BCR: variants seen among roughly 807,000 people sequenced by gnomAD.
BCR encodes the protein BCR activator of RhoGEF and GTPase, also known as breakpoint cluster region protein.
In BCR, 58 loss-of-function variants were observed where a neutral mutation model predicts 138.6. The observed-to-expected ratio is 0.42, with a 90% confidence interval of 0.34 to 0.52. BCR has a LOEUF of 0.52. Ranked by LOEUF, BCR falls within the 20% of genes least tolerant of loss-of-function variation. The pLI is 0.06. For synonymous variants in BCR, 786 were observed against 730.1 expected (o/e 1.08, Z -1.23); for missense variants, 1,599 against 1,727.2 (o/e 0.93, Z 1.32).
At chr22:23,247,823 C>T (rs1293120458) in intron 1 of BCR, among the ~76,000 whole-genome samples, 3 of 152,198 alleles carry the variant, frequency 2.0e-5, no homozygotes, top group Non-Finnish European at 2.9e-5. Flanking sequence ...AATATTTGTC[C>T]TTTTGTGTCT....
chr22:23,315,393 G>C (rs73878678), intron 22 of BCR, 40 bp from the exon 23 acceptor site: 346 of 1,593,956 alleles, frequency 2.2e-4, no homozygotes, highest in Middle Eastern at 1.5e-3. Flanking sequence ...TGTGAGCCCC[G>C]CTCTGAGCCA....
chr22:23,207,012 C>G (rs2072624789), intron 1 of BCR, among the ~76,000 whole-genome samples: 1 of 146,104 alleles, frequency 6.8e-6, no homozygotes, highest in Non-Finnish European at 1.5e-5. Flanking sequence ...TCCAGCCAAC[C>G]ATCCATCCAT....
chr22:23,210,308 T>C (rs2072666179), intron 1 of BCR, among the ~76,000 whole-genome samples: 1 of 151,830 alleles, frequency 6.6e-6, no homozygotes. Context: ...TCCTGGCCGC[T>C]TGAGAAACTG....
At position 23,292,531 on chromosome 22, in the gene BCR, C is replaced by G. The variant is rs1183602768; in HGVS notation, c.2783-10C>G. 17 of 1,605,774 alleles carry G rather than the reference C, an allele frequency of 1.1e-5. No homozygotes were observed. The highest frequency in any genetic ancestry group is 1.4e-5 in the Non-Finnish European group (17 of 1,173,152). ...CCTGTGACCTTCTCCATGTCCACTT[C>G]TCCCCACAGATCTGTACTGCACCCT... On this transcript the variant is annotated splice_polypyrimidine_tract_variant and intron_variant, in intron 14 of 22. Coordinates refer to ENST00000305877, the MANE Select transcript of BCR (RefSeq NM_004327.4).
At chr22:23,219,184 CG>C (rs1403224219) in intron 1 of BCR, among the ~76,000 whole-genome samples, 3 of 152,164 alleles carry the variant, frequency 2.0e-5, no homozygotes, top group Non-Finnish European at 4.4e-5. Flanking sequence ...GCCCTTAAGC[CG>C]ACAGATGGCC....
chr22:23,181,064 T>C lies in BCR; in HGVS notation c.104T>C (p.Leu35Pro). 1 of 1,523,132 alleles carries C rather than the reference T, an allele frequency of 6.6e-7. No individual in the cohort carries two copies. The highest frequency in any genetic ancestry group is 8.8e-7 in the Non-Finnish European group (1 of 1,130,390). The allele number at this position is 1,523,132 out of a possible 1,614,324, so 94.4% of individuals were successfully genotyped here. A position where few individuals can be genotyped will look rare whatever the true frequency, so the allele number is the denominator to read the frequency against. The change falls in exon 1 of 23, where the codon CTG becomes CCG. Residue 35 changes from leucine (L) to proline (P), a missense_variant. By Grantham distance (98) the Leu-to-Pro change is moderately conservative. This residue lies in a region of BCR where 806 missense variants were observed against 635.0 expected (regional missense o/e 1.27). Coordinates refer to ENST00000305877, the MANE Select transcript of BCR (RefSeq NM_004327.4). The stretch of plus-strand genomic sequence containing the variant: ...TCAGTGGGCGACATCGAGCAGGAGC[T>C]GGAGCGCTGCAAGGCCTCCATTCGG... ...LRSVGDIEQELERCKASIRRL... is the reference protein window; with the variant it reads ...LRSVGDIEQEPERCKASIRRL...
intron 1 of BCR, among the ~76,000 whole-genome samples, chr22:23,245,916 C>T (rs145009021): frequency 6.6e-5 from 10 of 152,302 alleles, no homozygotes; most frequent in African/African-American, 1.9e-4. Context: ...CCACCATCTC[C>T]GTTTAGTTCC....
intron 8 of BCR, among the ~76,000 whole-genome samples, chr22:23,281,328 T>G (rs1568971079): frequency 6.6e-6 from 1 of 152,252 alleles, no homozygotes. Flanking sequence ...CGTGGCCTTA[T>G]GCCGGCTTTG....
intron 8 of BCR, 30 bp downstream of exon 8, chr22:23,273,804 A>C: frequency 6.2e-7 from 1 of 1,612,398 alleles, no homozygotes; most frequent in Non-Finnish European, 8.5e-7. Flanking sequence ...GCTTGGGTCC[A>C]CCCATCCTGC....
intron 2 of BCR, among the ~76,000 whole-genome samples, chr22:23,254,777 G>GA (rs1317640276): frequency 2.6e-5 from 4 of 152,228 alleles, no homozygotes; most frequent in South Asian, 2.1e-4. Flanking sequence ...CTTGGGCTGA[G>GA]AAAATCACTG....
At chr22:23,200,259 G>T (rs1414414165) in intron 1 of BCR, among the ~76,000 whole-genome samples, 3 of 152,110 alleles carry the variant, frequency 2.0e-5, no homozygotes, top group Non-Finnish European at 4.4e-5. Context: ...TAGGTCTGGT[G>T]GTCTGTCCCT....
intron 1 of BCR, among the ~76,000 whole-genome samples, chr22:23,202,737 G>T (rs1568931232): frequency 6.8e-6 from 1 of 147,896 alleles, no homozygotes; most frequent in African/African-American, 2.6e-5. Context: ...GTGTGTGTGT[G>T]TGTGTGTGTG....
At chr22:23,268,540 A>G (rs1441318172) in intron 5 of BCR, 25 bp downstream of exon 5, 6 of 1,589,240 alleles carry the variant, frequency 3.8e-6, no homozygotes, top group Non-Finnish European at 5.2e-6. Flanking sequence ...CCGTTCAGAC[A>G]GGTGCACCGC....
rs945339257 is a variant in BCR, at chr22:23,263,864, G to A, written c.1752+2324G>A. On this transcript the variant is annotated intron_variant, in intron 4 of 22. Coordinates refer to ENST00000305877, the MANE Select transcript of BCR (RefSeq NM_004327.4). ...CCATCCAGACTGAAGACCAAATCTG[G>A]TCTGTTGCTATCAGGCCATTACTCA... The A allele has an allele frequency of 4.0e-6, 4 of 990,440 alleles. No homozygotes were observed. In the South Asian group the frequency reaches 5.1e-5, roughly 13 times the overall value. The allele number at this position is 990,440 out of a possible 1,614,324, so 61.4% of individuals were successfully genotyped here.
At chr22:23,276,241 T>C (rs974277971) in intron 8 of BCR, among the ~76,000 whole-genome samples, 1 of 151,758 alleles carries the variant, frequency 6.6e-6, no homozygotes, top group Admixed American at 6.6e-5. Context: ...CTACTAAAAA[T>C]ACAAAAAATT....
chr22:23,268,343 T>TG (rs1402230925), intron 4 of BCR, 65 bp from the exon 5 acceptor site: 2 of 1,348,500 alleles, frequency 1.5e-6, no homozygotes, highest in East Asian at 5.0e-5. Context: ...CACGGGAGCC[T>TG]GCTCTTCAGA....
At chr22:23,303,129 CTATA>C (rs534056515) in intron 16 of BCR, among the ~76,000 whole-genome samples, 1 of 151,704 alleles carries the variant, frequency 6.6e-6, no homozygotes, top group South Asian at 2.1e-4. Flanking sequence ...ATGTATTTTA[CTATA>C]TATATATAAA....
chr22:23,281,454 G>A (rs1176910938), intron 8 of BCR, among the ~76,000 whole-genome samples: 4 of 152,246 alleles, frequency 2.6e-5, no homozygotes, highest in Non-Finnish European at 5.9e-5. Context: ...CTGTACTCCA[G>A]GCCGGGGACC....
rs948975593 is a variant in BCR, at chr22:23,253,877, T to G, written c.1358T>G (p.Leu453Arg). 1.2e-6 allele frequency: 2 copies of G among 1,612,902 alleles called. No homozygotes were observed. Among genetic ancestry groups the G allele is most frequent in the African/African-American group, 2.7e-5 (2 of 74,838 alleles). The change falls in exon 2 of 23, where the codon CTG becomes CGG. Residue 453 changes from leucine (L) to arginine (R), a missense_variant. Leu to Arg is a moderately radical substitution (Grantham distance 102, BLOSUM62 -2). Transcript: ENST00000305877. Reference protein sequence around the residue: ...AEEQRRHQDGLPYIDDSPSSS... With the variant: ...AEEQRRHQDGRPYIDDSPSSS... ...GAGCAGCGCCGGCACCAAGATGGGC[T>G]GCCCTACATTGATGACTCGCCCTCC...
Sources: gnomAD v4.1 joint callset for allele counts (sites outside exome capture counted in the v4.1 genomes callset) on GRCh38, gnomAD v4.1.1 for gene constraint, gnomAD v4.1.1 regional missense constraint, MANE v1.5 for transcripts, NCBI Gene and HGNC (gene_info 2026-07-23, HGNC 2026-07-21) for gene names.